DAB1: variants seen among roughly 807,000 people sequenced by gnomAD.
The protein encoded by DAB1 is disabled homolog 1.
In DAB1, 15 loss-of-function variants were observed where a neutral mutation model predicts 64.6. That is an observed-to-expected ratio of 0.23 (90% CI 0.16 to 0.36). The LOEUF (loss-of-function observed/expected upper bound fraction) is 0.36. Among genes scored for constraint, DAB1 ranks in the 10% least tolerant of loss-of-function variants. The pLI is 1.00. For missense variants in DAB1, 596 were observed against 706.7 expected (o/e 0.84, Z 1.78); for synonymous variants, 235 against 251.9 (o/e 0.93, Z 0.64).
intron 5 of DAB1, among the ~76,000 whole-genome samples, chr1:58,024,459 A>G (rs1476782290): frequency 6.6e-6 from 1 of 152,210 alleles, no homozygotes; most frequent in Non-Finnish European, 1.5e-5. Context: ...ACAGATAAGA[A>G]AAATACTTAG....
chr1:58,279,321 C>T (rs375046662), intron 4 of DAB1, among the ~76,000 whole-genome samples: 1 of 152,152 alleles, frequency 6.6e-6, no homozygotes, highest in African/African-American at 2.4e-5. Flanking sequence ...AATTACTCTA[C>T]AGGTTATATG....
At chr1:57,371,514 T>C (rs1386353556) in intron 1 of DAB1, among the ~76,000 whole-genome samples, 2 of 152,198 alleles carry the variant, frequency 1.3e-5, no homozygotes, top group Non-Finnish European at 2.9e-5. Flanking sequence ...TATATACATT[T>C]ATGGAAGCGT....
chr1:57,185,709 T>C (rs1466593375), intron 2 of DAB1, among the ~76,000 whole-genome samples: 1 of 152,206 alleles, frequency 6.6e-6, no homozygotes, highest in Non-Finnish European at 1.5e-5. Flanking sequence ...CAATGCTGTC[T>C]CCGAAGTAAG....
intron 4 of DAB1, among the ~76,000 whole-genome samples, chr1:57,085,437 C>A (rs1288239852): frequency 1.3e-5 from 2 of 152,204 alleles, no homozygotes; most frequent in Admixed American, 6.5e-5. Context: ...ATACTGCCCG[C>A]TACTGGCCCA....
intron 7 of DAB1, among the ~76,000 whole-genome samples, chr1:57,492,494 A>G (rs953423401): frequency 6.6e-6 from 1 of 152,352 alleles, no homozygotes; most frequent in Admixed American, 6.5e-5. Flanking sequence ...AACTTCCTGT[A>G]TCTGAGCTGT....
chr1:58,121,209 G>T (rs2100672714), intron 5 of DAB1, among the ~76,000 whole-genome samples: 1 of 152,168 alleles, frequency 6.6e-6, no homozygotes, highest in Middle Eastern at 3.4e-3. Flanking sequence ...AGATACCAGA[G>T]GATCAGAGCT....
intron 5 of DAB1, among the ~76,000 whole-genome samples, chr1:57,980,896 T>C (rs1033766674): frequency 6.6e-6 from 1 of 150,536 alleles, no homozygotes; most frequent in African/African-American, 2.5e-5. Flanking sequence ...TCTACATGTA[T>C]ATATGTATAT....
rs113517209 is a variant in DAB1 at position 58,001,512 on chromosome 1, G to A, written n.388-117350C>T. ...TGACCTTAGGTGATCTGCCTGCCTC[G>A]GCCTCCCAAGGTGCTGGGATTACAG... On this transcript the variant is annotated intron_variant and non_coding_transcript_variant, in intron 5 of 20. Transcript: ENST00000485760. Among the ~76,000 whole-genome samples the A allele has an allele frequency of 2.6e-5, 4 of 152,144 alleles. No individual in the cohort carries two copies. The South Asian group carries it at 6.2e-4, about 24-fold the overall frequency.
At chr1:57,272,575 C>CTTAT (rs1671096765) in intron 2 of DAB1, among the ~76,000 whole-genome samples, 1 of 152,202 alleles carries the variant, frequency 6.6e-6, no homozygotes, top group African/African-American at 2.4e-5. Flanking sequence ...TCACTCCTAT[C>CTTAT]TTATGTGTTA....
At chr1:58,124,664 G>A (rs914743851) in intron 5 of DAB1, among the ~76,000 whole-genome samples, 1 of 152,210 alleles carries the variant, frequency 6.6e-6, no homozygotes, top group Non-Finnish European at 1.5e-5. Context: ...CAAGGAAAGA[G>A]TCTAGCATAG....
intron 5 of DAB1, among the ~76,000 whole-genome samples, chr1:57,975,658 A>C (rs1645901564): frequency 1.3e-5 from 2 of 152,192 alleles, no homozygotes; most frequent in Admixed American, 6.5e-5. Context: ...TACTATGCTA[A>C]ATACAGCTGA....
At chr1:57,330,534 T>A (rs1242467507) in intron 1 of DAB1, among the ~76,000 whole-genome samples, 1 of 152,128 alleles carries the variant, frequency 6.6e-6, no homozygotes. Context: ...GACCTTGAAG[T>A]GCAATGAGAC....
At chr1:57,687,599 C>CAAAAAAAAAAAAAAAAAAAAA (rs57316234) in intron 6 of DAB1, among the ~76,000 whole-genome samples, 44 of 82,442 alleles carry the variant, frequency 5.3e-4, no homozygotes, top group African/African-American at 1.0e-3. Flanking sequence ...TCTTAAGAAA[C>CAAAAAAAAAAAAAAAAAAAAA]AAAAAAAAAA....
chr1:58,440,563 C>T (rs1644996796), intron 3 of DAB1, among the ~76,000 whole-genome samples: 1 of 152,170 alleles, frequency 6.6e-6, no homozygotes, highest in Admixed American at 6.5e-5. Context: ...AGTATTTAAC[C>T]TCTCTGAGCT....
intron 9 of DAB1, among the ~76,000 whole-genome samples, chr1:57,058,694 C>T (rs936597322): frequency 6.6e-6 from 1 of 152,202 alleles, no homozygotes; most frequent in African/African-American, 2.4e-5. Flanking sequence ...TTGGTTTTCA[C>T]ATCACCATTA....
intron 9 of DAB1, among the ~76,000 whole-genome samples, chr1:57,037,766 CAGAG>C (rs1647223291): frequency 6.6e-6 from 1 of 152,148 alleles, no homozygotes; most frequent in South Asian, 2.1e-4. Context: ...CATTTCTTGG[CAGAG>C]AGAGATGGGA....
intron 6 of DAB1, among the ~76,000 whole-genome samples, chr1:57,809,714 T>C (rs972394873): frequency 1.3e-5 from 2 of 152,128 alleles, no homozygotes; most frequent in African/African-American, 4.8e-5. Flanking sequence ...CATGACACCA[T>C]AGCAACGAGT....
At chr1:57,344,975 G>A (rs1677961252) in intron 1 of DAB1, among the ~76,000 whole-genome samples, 1 of 152,184 alleles carries the variant, frequency 6.6e-6, no homozygotes, top group Non-Finnish European at 1.5e-5. Context: ...CCTGTCATGT[G>A]CTACCCCGAT....
chr1:57,998,800 T>C (rs1392557632), intron 5 of DAB1, among the ~76,000 whole-genome samples: 4 of 152,210 alleles, frequency 2.6e-5, no homozygotes. Flanking sequence ...GAGAGAATAT[T>C]AGGATTTTTA....
Sources: allele counts gnomAD v4.1 joint callset (sites outside exome capture counted in the v4.1 genomes callset), GRCh38; gene constraint gnomAD v4.1.1; transcripts MANE v1.5; gene names NCBI Gene and HGNC (gene_info 2026-07-23, HGNC 2026-07-21).